The following PCDH12 variants were observed in gnomAD, a reference collection of about 807,000 sequenced individuals.
PCDH12 encodes the protein protocadherin 12.
A neutral mutation model predicts 70.9 loss-of-function variants in PCDH12; 45 were observed. The observed-to-expected ratio is 0.63, with a 90% CI of 0.50 to 0.81. PCDH12 has a LOEUF of 0.81. Ranked by LOEUF, PCDH12 falls within the 40% of genes least tolerant of loss-of-function variation. The pLI is 0.00. For synonymous variants in PCDH12, 567 were observed against 626.0 expected (o/e 0.91, Z 1.41); for missense variants, 1,370 against 1,491.7 (o/e 0.92, Z 1.34).
chr5:141,943,816 G>A lies in PCDH12; in HGVS notation c.*1565C>T, dbSNP rs1561530867. On this transcript the variant is annotated 3_prime_UTR_variant, in exon 4 of 4. Transcript: ENST00000231484. The stretch of plus-strand genomic sequence containing the variant: ...GGAGATCACTCTGGCCTAGAGTGAG[G>A]TGAGGAGAAACTCTGCCCCTGAAAC... 6.6e-6 allele frequency: 1 copy of A among 152,162 alleles called. No homozygotes were observed. The highest frequency in any genetic ancestry group is 1.5e-5 in the Non-Finnish European group (1 of 68,038). The allele number at this position is 152,162 out of a possible 1,614,324, so 9.4% of individuals were successfully genotyped here. A position where few individuals can be genotyped will look rare whatever the true frequency, so the allele number is the denominator to read the frequency against.
rs1753198223 is a variant in PCDH12, at chr5:141,957,116, C to T, written c.736G>A (p.Glu246Lys). 2 of 1,614,198 alleles carry T rather than the reference C, an allele frequency of 1.2e-6. No individual in the cohort carries two copies. Among genetic ancestry groups the T allele is most frequent in the Non-Finnish European group, 1.7e-6 (2 of 1,180,032 alleles). Reference sequence around the variant, plus strand: ...TGGATTTCCAGTGCCAGTGAACTCTCAGCAAACGCAGGGCTATTGTCATTG... The same window carrying T: ...TGGATTTCCAGTGCCAGTGAACTCTTAGCAAACGCAGGGCTATTGTCATTG... ...DSNDNSPAFA[E>K]SSLALEIQED... Residue 246 changes from glutamate (E) to lysine (K), a missense_variant, in exon 1 of 4, where the codon GAG becomes AAG. Transcript: ENST00000231484. This position sits in a 1 kb window ranked among gnomAD's most constrained non-coding sequence, Gnocchi z 4.3.
intron 3 of PCDH12, among the ~76,000 whole-genome samples, chr5:141,947,404 G>T (rs181639096): frequency 2.0e-3 from 305 of 152,346 alleles, no homozygotes; most frequent in Non-Finnish European, 3.6e-3. Context: ...ACATGGGTCA[G>T]AGAGCTTCAG....
In PCDH12 at chr5:141,945,659, C is replaced by A; in HGVS notation, c.3277G>T (p.Ala1093Ser). Residue 1093 changes from alanine to serine, a missense_variant, in exon 4 of 4, where the codon GCA becomes TCA. Transcript: ENST00000231484. ...EPRTFQTFGK[A>S]EAPELSPTGT... ...GTTGGGCTCAGCTCTGGTGCCTCTGCCTTGCCGAACGTCTGGAAGGTCCTT... is the reference window on the plus strand; with the variant it reads ...GTTGGGCTCAGCTCTGGTGCCTCTGACTTGCCGAACGTCTGGAAGGTCCTT... The A allele has an allele frequency of 6.2e-7, 1 of 1,614,214 alleles. No homozygotes were observed. Among genetic ancestry groups the A allele is most frequent in the Non-Finnish European group, 8.5e-7 (1 of 1,180,040 alleles).
At chr5:141,948,941 A>G (rs1040308639) in intron 3 of PCDH12, among the ~76,000 whole-genome samples, 5 of 152,004 alleles carry the variant, frequency 3.3e-5, no homozygotes, top group African/African-American at 7.2e-5. Context: ...CTTTGATTAC[A>G]GGTGGCTCAT....
chr5:141,950,048 C>T (rs555858598), intron 2 of PCDH12, among the ~76,000 whole-genome samples: 3 of 152,342 alleles, frequency 2.0e-5, no homozygotes, highest in African/African-American at 4.8e-5. Context: ...TGCTCCCTTA[C>T]TGATGCTCAG....
rs528609378 is a variant in PCDH12 at position 141,944,957 on chromosome 5, C to T, written c.*424G>A. On this transcript the variant is annotated 3_prime_UTR_variant, in exon 4 of 4. Transcript: ENST00000231484. ...CCTTCTCCCTCTTGACAGGTGCAAACAGGAGAATGAATCACTGCTTTTCCT... is the reference window on the plus strand; with the variant it reads ...CCTTCTCCCTCTTGACAGGTGCAAATAGGAGAATGAATCACTGCTTTTCCT... 20 of 180,600 alleles carry T rather than the reference C, an allele frequency of 1.1e-4. No individual in the cohort carries two copies. The highest frequency in any genetic ancestry group is 1.5e-4 in the Non-Finnish European group (13 of 85,878). The allele number at this position is 180,600 out of a possible 1,614,324, so 11.2% of individuals were successfully genotyped here. A position where few individuals can be genotyped will look rare whatever the true frequency, so the allele number is the denominator to read the frequency against.
In PCDH12 at chr5:141,945,709, G is replaced by A. The variant is rs762002746; in HGVS notation, c.3227C>T (p.Pro1076Leu). Residue 1076 changes from proline to leucine, a missense_variant, in exon 4 of 4, where the codon CCG becomes CTG. Physicochemically the swap from Pro to Leu is moderately conservative, Grantham distance 98. Transcript: ENST00000231484. ...TGGCTCCTCCGTGGCTGCAGCATCCGGGGAGATCACATTGTCACGGTAGTT... is the reference window on the plus strand; with the variant it reads ...TGGCTCCTCCGTGGCTGCAGCATCCAGGGAGATCACATTGTCACGGTAGTT... ...TTNYRDNVISPDAAATEEPRT... is the reference protein window; with the variant it reads ...TTNYRDNVISLDAAATEEPRT... The A allele has an allele frequency of 2.1e-5, 34 of 1,613,632 alleles. No homozygotes were observed. Among genetic ancestry groups the A allele is most frequent in the African/African-American group, 4.0e-5 (3 of 74,934 alleles).
chr5:141,951,673 G>C, intron 1 of PCDH12, 83 bp from the exon 2 acceptor site: 1 of 1,001,810 alleles, frequency 1.0e-6, no homozygotes, highest in Admixed American at 1.7e-5. Flanking sequence ...CAATGCCGGT[G>C]CTTTCTTTTT....
intron 3 of PCDH12, among the ~76,000 whole-genome samples, chr5:141,946,156 C>T (rs74816406): frequency 0.013 from 1,937 of 152,250 alleles, 41 homozygotes; most frequent in African/African-American, 0.044. Flanking sequence ...CCCCTCAGGG[C>T]GCCTTCTCCC....
rs764443234 is a variant in PCDH12 at position 141,955,932 on chromosome 5, A to G, written c.1920T>C (p.Ser640=). 1.2e-6 allele frequency: 2 copies of G among 1,614,116 alleles called. No individual in the cohort carries two copies. The highest frequency in any genetic ancestry group is 1.7e-6 in the Non-Finnish European group (2 of 1,180,012). The change falls in exon 1 of 4, where the codon AGT becomes AGC. Residue 640 remains serine (S), a synonymous_variant. Transcript: ENST00000231484. The surrounding 1 kb of genome is among the most constrained non-coding windows in gnomAD (Gnocchi z 5.5). The stretch of plus-strand genomic sequence containing the variant: ...GGATGAAGAGGTGGGCTTCATTTCC[A>G]CTGCGGATGCTGTAGAGGGGCTCTC... The part of the protein sequence containing the change: ...ANGEPLYSIR[S]GNEAHLFILN...
At position 141,945,777 on chromosome 5, in the gene PCDH12, A is replaced by G. The variant is rs1752903884; in HGVS notation, c.3159T>C (p.Pro1053=). ...AGAGTCTCGCCATCCAGGCCGGGTC[A>G]GGGGCGCTCAGCCGGTCCAGGGCCA... ...TGLALDRLSA[P]DPAWMARLSL... Residue 1053 remains proline, a synonymous_variant, in exon 4 of 4, where the codon CCT becomes CCC. Coordinates refer to ENST00000231484, the MANE Select transcript of PCDH12 (RefSeq NM_016580.4). 2 of 1,613,276 alleles carry G rather than the reference A, an allele frequency of 1.2e-6. No individual in the cohort carries two copies. Among genetic ancestry groups the G allele is most frequent in the Admixed American group, 3.3e-5 (2 of 60,002 alleles).
rs1752875962 is a variant in PCDH12, at chr5:141,945,215, TC to T, written c.*165del. ...GCTTACAAGGGGCTGCTTTGGTCAGTCAGCTGTTAGTCCTGGGGCTCTTGCC... is the reference window on the plus strand; with the variant it reads ...GCTTACAAGGGGCTGCTTTGGTCAGTAGCTGTTAGTCCTGGGGCTCTTGCC... On this transcript the variant is annotated 3_prime_UTR_variant, in exon 4 of 4. Coordinates refer to ENST00000231484, the MANE Select transcript of PCDH12 (RefSeq NM_016580.4). 1 of 807,834 alleles carries T rather than the reference TC, an allele frequency of 1.2e-6. No homozygotes were observed. The highest frequency in any genetic ancestry group is 2.0e-6 in the Non-Finnish European group (1 of 503,080). The allele number at this position is 807,834 out of a possible 1,614,324, so 50.0% of individuals were successfully genotyped here.
In PCDH12 at chr5:141,957,047, T is replaced by A; in HGVS notation, c.805A>T (p.Thr269Ser). Reference protein sequence around the residue: ...PGTLLIKLTATDPDQGPNGEV... With the variant: ...PGTLLIKLTASDPDQGPNGEV... ...CCATTGGGGCCTTGGTCAGGGTCTG[T>A]GGCGGTCAGTTTTATGAGAAGCGTA... is the stretch of plus-strand genomic sequence containing the variant. Residue 269 changes from threonine to serine, a missense_variant, in exon 1 of 4, where the codon ACA becomes TCA. Coordinates refer to ENST00000231484, the MANE Select transcript of PCDH12 (RefSeq NM_016580.4). The surrounding 1 kb of genome is among the most constrained non-coding windows in gnomAD (Gnocchi z 4.3). The A allele has an allele frequency of 6.2e-7, 1 of 1,614,222 alleles. No homozygotes were observed. The highest frequency in any genetic ancestry group is 8.5e-7 in the Non-Finnish European group (1 of 1,180,046).
At position 141,957,698 on chromosome 5, in the gene PCDH12, C is replaced by G. The variant is rs757602677; in HGVS notation, c.154G>C (p.Glu52Gln). 2.5e-6 allele frequency: 4 copies of G among 1,614,194 alleles called. No individual in the cohort carries two copies. The highest frequency in any genetic ancestry group is 3.4e-6 in the Non-Finnish European group (4 of 1,180,046). Residue 52 changes from glutamate (E) to glutamine (Q), a missense_variant, in exon 1 of 4, where the codon GAA (glutamate) becomes CAA (glutamine). Glu to Gln is a conservative substitution (Grantham distance 29, BLOSUM62 2). Transcript: ENST00000231484. The surrounding 1 kb of genome is among the most constrained non-coding windows in gnomAD (Gnocchi z 4.3). ...CTCCGCCTCTCCTCCCGGCCCAGTT[C>G]CTGGGACAGCTTCCCGATCACTGTA... ...SGTVIGKLSQ[E>Q]LGREERRRQA...
In PCDH12 at chr5:141,958,058, A is replaced by C. The variant is rs764952765; in HGVS notation, c.-207T>G. ...TCATTGGAAGCGATCTGAGATGTCC[A>C]AACGCCGATCAAGAATTGCCAGGGG... On this transcript the variant is annotated 5_prime_UTR_variant, in exon 1 of 4. Transcript: ENST00000231484. The C allele has an allele frequency of 4.1e-5, 25 of 604,304 alleles. No homozygotes were observed. Among genetic ancestry groups the C allele is most frequent in the Middle Eastern group, 4.5e-4 (1 of 2,238 alleles). 37.4% of individuals were successfully genotyped at this position (604,304 alleles called of 1,614,324 possible).
rs1446596537 is a variant in PCDH12 at position 141,951,582 on chromosome 5, G to C, written c.2889C>G (p.Ser963=). Residue 963 remains serine (S), a synonymous_variant, in exon 2 of 4, where the codon TCC becomes TCG. Transcript: ENST00000231484. ...CCTGATGCAGCAAGGACAGCAGCTG[G>C]GAGATTTGCTACAAGACAGGAAAAA... The part of the protein sequence containing the change: ...TVDSPPVQQI[S]QLLSLLHQGQ... 1 of 1,613,960 alleles carries C rather than the reference G, an allele frequency of 6.2e-7. No homozygotes were observed. Among genetic ancestry groups the C allele is most frequent in the South Asian group, 1.1e-5 (1 of 91,088 alleles).
rs532319621 is a variant in PCDH12 at position 141,945,318 on chromosome 5, C to T, written c.*63G>A. On this transcript the variant is annotated 3_prime_UTR_variant, in exon 4 of 4. Coordinates refer to ENST00000231484, the MANE Select transcript of PCDH12 (RefSeq NM_016580.4). The stretch of plus-strand genomic sequence containing the variant: ...CTAGTGAGTTACAAGATTTTAGAAA[C>T]CAGCTCTTGTCCACAGATCCTCAGG... The T allele has an allele frequency of 6.6e-7, 1 of 1,523,618 alleles. No individual in the cohort carries two copies. The highest frequency in any genetic ancestry group is 8.8e-7 in the Non-Finnish European group (1 of 1,136,098). The allele number at this position is 1,523,618 out of a possible 1,614,324, so 94.4% of individuals were successfully genotyped here. A position where few individuals can be genotyped will look rare whatever the true frequency, so the allele number is the denominator to read the frequency against.
chr5:141,948,971 TG>T (rs1405953717), intron 3 of PCDH12, among the ~76,000 whole-genome samples: 1 of 151,406 alleles, frequency 6.6e-6, no homozygotes, highest in Non-Finnish European at 1.5e-5. Context: ...GCCAGCACTT[TG>T]GGAGGCTGAG....
chr5:141,957,933 C>T lies in PCDH12; in HGVS notation c.-82G>A. 6.0e-6 allele frequency: 9 copies of T among 1,490,462 alleles called. No homozygotes were observed. The highest frequency in any genetic ancestry group is 7.2e-6 in the Non-Finnish European group (8 of 1,109,498). The allele number at this position is 1,490,462 out of a possible 1,614,324, so 92.3% of individuals were successfully genotyped here. A position where few individuals can be genotyped will look rare whatever the true frequency, so the allele number is the denominator to read the frequency against. On this transcript the variant is annotated 5_prime_UTR_variant, in exon 1 of 4. Coordinates refer to ENST00000231484, the MANE Select transcript of PCDH12 (RefSeq NM_016580.4). The surrounding 1 kb of genome is among the most constrained non-coding windows in gnomAD (Gnocchi z 4.3). The stretch of plus-strand genomic sequence containing the variant: ...AAGTCCTCCAGTGTTTCCTGGATGG[C>T]TTGATCAGCCCCGTGCTCCTTCCCC...
Sources: gnomAD v4.1 joint callset for allele counts (sites outside exome capture counted in the v4.1 genomes callset) on GRCh38, gnomAD v4.1.1 for gene constraint, Gnocchi (gnomAD v3.1) non-coding constraint, MANE v1.5 for transcripts, NCBI Gene and HGNC (gene_info 2026-07-23, HGNC 2026-07-21) for gene names.